Variants in DZIP1 observed in about 807,000 individuals in gnomAD.
DZIP1 encodes the protein DAZ interacting zinc finger protein 1, also known as cilium assembly protein DZIP1.
Under a neutral mutation model 107.6 loss-of-function variants are expected in DZIP1, and 97 were observed. The ratio of observed to expected loss-of-function variants is 0.90; its 90% CI spans 0.77 to 1.07. DZIP1 has a LOEUF of 1.07. DZIP1 is among the 50% of genes least tolerant of loss of function. The probability of loss-of-function intolerance (pLI) is 0.00; values close to 1 mark genes in which losing one functional copy is unlikely to be tolerated. For missense variants in DZIP1, 1,035 were observed against 1,063.6 expected (o/e 0.97, Z 0.37); for synonymous variants, 390 against 386.4 (o/e 1.01, Z -0.11).
rs536464216 is a variant in DZIP1 at position 95,596,136 on chromosome 13, G to A, written c.1538-2050C>T. Among the ~76,000 whole-genome samples, 223 of 152,276 alleles carry A rather than the reference G, an allele frequency of 1.5e-3. 1 individual carries two copies. Among genetic ancestry groups the A allele is most frequent in the African/African-American group, 4.3e-3 (178 of 41,554 alleles). On this transcript the variant is annotated intron_variant, in intron 15 of 22. Transcript: ENST00000376829. The stretch of plus-strand genomic sequence containing the variant: ...GGCCAATGGAAGCAAGAGAAAGAAT[G>A]TAGAGTAAGCAGGGAAAAATAAAGT...
At chr13:95,639,073 C>G (rs1479156830) in intron 5 of DZIP1, among the ~76,000 whole-genome samples, 1 of 152,150 alleles carries the variant, frequency 6.6e-6, no homozygotes, top group Non-Finnish European at 1.5e-5. Context: ...TAACTACATG[C>G]CAAGCACTGC....
chr13:95,586,521 A>G (rs2044164641), intron 20 of DZIP1, among the ~76,000 whole-genome samples: 2 of 152,126 alleles, frequency 1.3e-5, no homozygotes, highest in South Asian at 4.1e-4. Context: ...TTTTAAATCA[A>G]AGAAAGAGGA....
Position 95,629,768 on chromosome 13 carries a change from A to C in DZIP1, c.810+221T>G, listed in dbSNP as rs114353261. The stretch of plus-strand genomic sequence containing the variant: ...AGAAAGTTAATTGTGTGTTATATGA[A>C]TTCCACCCCAATTTTCTAAAAGGCT... On this transcript the variant is annotated intron_variant, in intron 7 of 22. Transcript: ENST00000376829. Among the ~76,000 whole-genome samples the C allele has an allele frequency of 1.0e-2, 1,520 of 152,270 alleles. 26 individuals are homozygous for C. Among genetic ancestry groups the C allele is most frequent in the African/African-American group, 0.034 (1,432 of 41,542 alleles).
intron 15 of DZIP1, among the ~76,000 whole-genome samples, chr13:95,598,284 T>C (rs903827052): frequency 6.6e-6 from 1 of 152,128 alleles, no homozygotes; most frequent in Non-Finnish European, 1.5e-5. Context: ...TATGCAATCC[T>C]AAACTAAATG....
chr13:95,643,488 CATAA>C (rs1441882359), intron 2 of DZIP1, 109 bp downstream of exon 2: 1 of 152,502 alleles, frequency 6.6e-6, no homozygotes, highest in East Asian at 1.9e-4. Context: ...GTGCTAAAGA[CATAA>C]ATAGTTTCAA....
chr13:95,587,902 G>A (rs1356077701), intron 19 of DZIP1, 173 bp from the exon 20 acceptor site: 4 of 703,248 alleles, frequency 5.7e-6, no homozygotes, highest in South Asian at 2.3e-5. Flanking sequence ...TTATACCCAC[G>A]GCTGTAGCAT....
intron 5 of DZIP1, among the ~76,000 whole-genome samples, chr13:95,635,689 C>T (rs1195726002): frequency 6.6e-6 from 1 of 152,136 alleles, no homozygotes; most frequent in Non-Finnish European, 1.5e-5. Context: ...AGCTATGCCT[C>T]CCTCTCTCCC....
intron 7 of DZIP1, among the ~76,000 whole-genome samples, chr13:95,628,306 A>T (rs187415999): frequency 1.2e-4 from 18 of 152,268 alleles, no homozygotes; most frequent in Admixed American, 4.6e-4. Context: ...GCCTCCCAAA[A>T]TACTGGGATT....
intron 10 of DZIP1, among the ~76,000 whole-genome samples, chr13:95,613,518 A>G (rs1458046428): frequency 2.0e-5 from 3 of 152,116 alleles, no homozygotes; most frequent in East Asian, 1.9e-4. Flanking sequence ...TCTCAAAAAA[A>G]AAAAAGGCTT....
At chr13:95,594,648 A>G (rs2044395170) in intron 15 of DZIP1, among the ~76,000 whole-genome samples, 1 of 152,176 alleles carries the variant, frequency 6.6e-6, no homozygotes, top group Admixed American at 6.5e-5. Context: ...TATTTTAAAT[A>G]TAAAAATTTT....
At chr13:95,619,790 G>A (rs183942914) in intron 10 of DZIP1, 95 bp downstream of exon 10, 1 of 1,275,396 alleles carries the variant, frequency 7.8e-7, no homozygotes, top group African/African-American at 1.5e-5. Flanking sequence ...CTCCCCAAAT[G>A]TTATTAAGTG....
Position 95,641,895 on chromosome 13 carries a change from TGGGG to T in DZIP1, c.37-44_37-41del. 6.6e-6 allele frequency: 1 copy of T among 151,294 alleles called. No homozygotes were observed. Among genetic ancestry groups the T allele is most frequent in the Non-Finnish European group, 1.2e-5 (1 of 83,966 alleles). 9.4% of individuals were successfully genotyped at this position (151,294 alleles called of 1,614,324 possible). A position where few individuals can be genotyped will look rare whatever the true frequency, so the allele number is the denominator to read the frequency against. On this transcript the variant is annotated intron_variant, in intron 4 of 22. Transcript: ENST00000376829. The surrounding 1 kb of genome is among the most constrained non-coding windows in gnomAD (Gnocchi z 4.3). The stretch of plus-strand genomic sequence containing the variant: ...AAGAGAGCGCGGCGGGAGGCGGGGA[TGGGG>T]GGCGGGCAGGCTGGGGAGCTGGGGG...
chr13:95,628,150 C>T (rs931451477), intron 7 of DZIP1, among the ~76,000 whole-genome samples: 13 of 152,094 alleles, frequency 8.5e-5, no homozygotes, highest in African/African-American at 2.7e-4. Flanking sequence ...AGCCATCTTC[C>T]TCCCTCCTCA....
intron 19 of DZIP1, chr13:95,587,944 G>C (rs1043831424): frequency 8.4e-6 from 4 of 477,878 alleles, no homozygotes; most frequent in East Asian, 6.6e-5. Context: ...CCAGCCACGG[G>C]GCATGTTTAT....
At chr13:95,639,127 A>T (rs893474670) in intron 5 of DZIP1, among the ~76,000 whole-genome samples, 11 of 152,216 alleles carry the variant, frequency 7.2e-5, no homozygotes, top group Non-Finnish European at 1.5e-4. Flanking sequence ...CCCCATTAAC[A>T]ACTGCTATAT....
intron 13 of DZIP1, among the ~76,000 whole-genome samples, chr13:95,608,008 A>C (rs1594683994): frequency 6.6e-6 from 1 of 152,188 alleles, no homozygotes; most frequent in Admixed American, 6.5e-5. Flanking sequence ...CTGATCTTAA[A>C]CTTTAGAATG....
chr13:95,626,166 A>C (rs2139314234), intron 7 of DZIP1, among the ~76,000 whole-genome samples: 1 of 152,100 alleles, frequency 6.6e-6, no homozygotes, highest in South Asian at 2.1e-4. Flanking sequence ...GAAAAATCTT[A>C]AATAAATAAC....
In DZIP1 at chr13:95,578,272, T is replaced by A; in HGVS notation, c.*3962A>T. ...ATGTTTTCTACATTTATATAGAACATGAAAAGCATTTAGTACCAAAGGTTC... is the reference window on the plus strand; with the variant it reads ...ATGTTTTCTACATTTATATAGAACAAGAAAAGCATTTAGTACCAAAGGTTC... On this transcript the variant is annotated 3_prime_UTR_variant, in exon 23 of 23. Transcript: ENST00000376829. 7.3e-6 allele frequency: 2 copies of A among 273,542 alleles called. No individual in the cohort carries two copies. The highest frequency in any genetic ancestry group is 1.4e-5 in the Non-Finnish European group (2 of 144,948). The allele number at this position is 273,542 out of a possible 1,614,324, so 16.9% of individuals were successfully genotyped here.
At position 95,612,096 on chromosome 13, in the gene DZIP1, C is replaced by T. The variant is rs768231343; in HGVS notation, c.1255G>A (p.Glu419Lys). ...TCCTGGAGTCTCTGCCCTAGCTCTT[C>T]TATCCTTTTCTTATAGAAAACATTG... Reference protein sequence around the residue: ...ASNVFYKKRIEELGQRLQEQN... With the variant: ...ASNVFYKKRIKELGQRLQEQN... The change falls in exon 11 of 23, where the codon GAA (glutamate) becomes AAA (lysine). Residue 419 changes from glutamate to lysine, a missense_variant. By Grantham distance (56) the Glu-to-Lys change is moderately conservative (BLOSUM62 1). Transcript: ENST00000376829. 1.2e-6 allele frequency: 2 copies of T among 1,613,806 alleles called. No individual in the cohort carries two copies. The highest frequency in any genetic ancestry group is 2.2e-5 in the South Asian group (2 of 91,080).
Sources: gnomAD v4.1 joint callset for allele counts (sites outside exome capture counted in the v4.1 genomes callset) on GRCh38, gnomAD v4.1.1 for gene constraint, Gnocchi (gnomAD v3.1) non-coding constraint, MANE v1.5 for transcripts, NCBI Gene and HGNC (gene_info 2026-07-23, HGNC 2026-07-21) for gene names.